Variants in GPBP1 observed in about 807,000 individuals in gnomAD.
GPBP1 encodes the protein vasculin.
A neutral mutation model predicts 56.5 loss-of-function variants in GPBP1; 13 were observed. The ratio of observed to expected loss-of-function variants is 0.23; its 90% CI spans 0.15 to 0.37. The LOEUF (loss-of-function observed/expected upper bound fraction) is 0.37. GPBP1 is among the 10% of genes least tolerant of loss of function. The pLI, the probability that GPBP1 is intolerant of heterozygous loss-of-function variation, is 1.00. For synonymous variants in GPBP1, 204 were observed against 188.9 expected, an observed-to-expected ratio of 1.08 and a Z score of -0.66; for missense variants, 477 against 572.3, an observed-to-expected ratio of 0.83 and a Z score of 1.70.
chr5:57,210,691 G>T (rs983035456), intron 2 of GPBP1, among the ~76,000 whole-genome samples: 3 of 152,296 alleles, frequency 2.0e-5, no homozygotes, highest in African/African-American at 7.2e-5. Context: ...CAGACTGGGT[G>T]GCTTAAACAA....
intron 2 of GPBP1, among the ~76,000 whole-genome samples, chr5:57,192,868 A>G (rs1754588164): frequency 6.6e-6 from 1 of 152,076 alleles, no homozygotes; most frequent in African/African-American, 2.4e-5. Flanking sequence ...CAGTATGTAT[A>G]TGTATCCAGA....
intron 2 of GPBP1, among the ~76,000 whole-genome samples, chr5:57,203,323 T>C (rs2111708143): frequency 6.6e-6 from 1 of 152,264 alleles, no homozygotes; most frequent in East Asian, 1.9e-4. Context: ...TTTTGATTTT[T>C]ATGATAAAAA....
chr5:57,216,297 GAA>G (rs1755695623), intron 3 of GPBP1, among the ~76,000 whole-genome samples: 6 of 152,350 alleles, frequency 3.9e-5, no homozygotes, highest in African/African-American at 1.4e-4. Flanking sequence ...GAGAGGGGAA[GAA>G]ACCTGTCTTC....
intron 2 of GPBP1, among the ~76,000 whole-genome samples, chr5:57,188,642 C>T (rs1754391628): frequency 6.6e-6 from 1 of 152,044 alleles, no homozygotes; most frequent in Non-Finnish European, 1.5e-5. Flanking sequence ...ACTCGGGAGG[C>T]TGAGGCATGA....
chr5:57,231,935 TGAAA>T (rs1297782725), intron 5 of GPBP1, among the ~76,000 whole-genome samples: 1 of 151,766 alleles, frequency 6.6e-6, no homozygotes, highest in African/African-American at 2.4e-5. Flanking sequence ...TTGTTAAGAC[TGAAA>T]GGAAGAGAGA....
intron 2 of GPBP1, among the ~76,000 whole-genome samples, chr5:57,195,848 C>A (rs901692357): frequency 6.6e-6 from 1 of 151,754 alleles, no homozygotes; most frequent in East Asian, 1.9e-4. Context: ...ACTAAAAATA[C>A]AAAAATTACC....
At chr5:57,184,145 T>C (rs1487597797) in intron 2 of GPBP1, among the ~76,000 whole-genome samples, 1 of 151,940 alleles carries the variant, frequency 6.6e-6, no homozygotes, top group East Asian at 1.9e-4. Flanking sequence ...GGCAGGAGAA[T>C]CACTTGAACC....
chr5:57,255,227 TTCCTCTCCTC>T, intron 10 of GPBP1, among the ~76,000 whole-genome samples: 1 of 152,216 alleles, frequency 6.6e-6, no homozygotes. Context: ...TCTCTCCCCT[TTCCTCTCCTC>T]CCCTCTTCCT....
chr5:57,205,152 T>G (rs533326895), intron 2 of GPBP1, among the ~76,000 whole-genome samples: 2 of 152,208 alleles, frequency 1.3e-5, no homozygotes, highest in African/African-American at 4.8e-5. Context: ...TTGCTTTTTT[T>G]CTCTATGAAT....
rs542962030 is a variant in GPBP1, at chr5:57,210,458, G to T, written c.-57-3616G>T. 1.1e-4 allele frequency among the ~76,000 whole-genome samples: 16 copies of T among 152,256 alleles called. No homozygotes were observed. The South Asian group carries it at 3.3e-3, about 32-fold the overall frequency. On this transcript the variant is annotated intron_variant, in intron 2 of 11. Coordinates refer to ENST00000506184, the MANE Select transcript of GPBP1 (RefSeq NM_022913.4). ...AATTTTTTTAAGCCAGTCAAATTTA[G>T]TATTGGGGGGCCAGTAGAAGATTTC...
chr5:57,240,400 C>T (rs779319014), intron 6 of GPBP1, among the ~76,000 whole-genome samples: 9 of 152,204 alleles, frequency 5.9e-5, no homozygotes, highest in African/African-American at 1.4e-4. Flanking sequence ...TGACTCTTGA[C>T]GTCACTTGGT....
intron 6 of GPBP1, among the ~76,000 whole-genome samples, chr5:57,240,918 C>G (rs1194604400): frequency 6.6e-6 from 1 of 151,306 alleles, no homozygotes; most frequent in African/African-American, 2.4e-5. Context: ...CGCCATTGCA[C>G]TCCAGCCTGG....
chr5:57,214,663 A>AT (rs1299787031), intron 3 of GPBP1, among the ~76,000 whole-genome samples: 14 of 150,622 alleles, frequency 9.3e-5, no homozygotes, highest in Admixed American at 3.3e-4. Flanking sequence ...CTCTATTAAA[A>AT]TTTTTTTTTT....
intron 5 of GPBP1, among the ~76,000 whole-genome samples, chr5:57,234,706 T>C (rs984220522): frequency 1.3e-5 from 2 of 152,202 alleles, no homozygotes; most frequent in East Asian, 3.8e-4. Flanking sequence ...ACGTGTGAGA[T>C]GGATTTGATG....
intron 10 of GPBP1, among the ~76,000 whole-genome samples, chr5:57,255,242 C>T (rs1213883082): frequency 1.3e-5 from 2 of 152,142 alleles, no homozygotes; most frequent in African/African-American, 4.8e-5. Flanking sequence ...CTCCTCCCCT[C>T]TTCCTCTCTT....
At chr5:57,249,634 G>T (rs1169300375) in intron 9 of GPBP1, 58 bp downstream of exon 9, 1 of 1,396,252 alleles carries the variant, frequency 7.2e-7, no homozygotes, top group African/African-American at 1.4e-5. Context: ...AAATATTTGA[G>T]CATGTATTAG....
intron 6 of GPBP1, among the ~76,000 whole-genome samples, chr5:57,242,581 C>G (rs1177679839): frequency 1.3e-5 from 2 of 152,034 alleles, no homozygotes; most frequent in Non-Finnish European, 2.9e-5. Flanking sequence ...GCAGCCCCAG[C>G]CTCCTAGGCT....
At chr5:57,249,289 A>G (rs1249870453) in intron 8 of GPBP1, 120 bp from the exon 9 acceptor site, 14 of 733,708 alleles carry the variant, frequency 1.9e-5, no homozygotes, top group Admixed American at 6.3e-5. Flanking sequence ...TAACATAGAC[A>G]TTATAATCAA....
chr5:57,260,227 G>C (rs1170007276), intron 10 of GPBP1, among the ~76,000 whole-genome samples: 1 of 152,140 alleles, frequency 6.6e-6, no homozygotes, highest in Non-Finnish European at 1.5e-5. Context: ...TCTTCAGTTA[G>C]GGCACTAACA....
Sources: allele counts gnomAD v4.1 joint callset (sites outside exome capture counted in the v4.1 genomes callset), GRCh38; gene constraint gnomAD v4.1.1; transcripts MANE v1.5; gene names NCBI Gene and HGNC (gene_info 2026-07-23, HGNC 2026-07-21).